SPIDR: variants seen among roughly 807,000 people sequenced by gnomAD.
SPIDR encodes DNA repair-scaffolding protein.
In SPIDR, 93 loss-of-function variants were observed where a neutral mutation model predicts 104.6. The observed-to-expected ratio is 0.89, with a 90% confidence interval of 0.75 to 1.06. The LOEUF is 1.06. SPIDR is among the 50% of genes least tolerant of loss of function. SPIDR has a pLI of 0.00. For missense variants in SPIDR, 1,154 were observed against 1,111.2 expected (o/e 1.04, Z -0.55); for synonymous variants, 431 against 416.9 (o/e 1.03, Z -0.41).
At chr8:47,414,952 G>A (rs1293869283) in intron 7 of SPIDR, among the ~76,000 whole-genome samples, 4 of 152,088 alleles carry the variant, frequency 2.6e-5, no homozygotes, top group Non-Finnish European at 5.9e-5. Flanking sequence ...TGCCCAGGCT[G>A]GAGTGCAGTG....
intron 10 of SPIDR, among the ~76,000 whole-genome samples, chr8:47,646,149 C>T (rs188950885): frequency 3.9e-5 from 6 of 152,236 alleles, no homozygotes; most frequent in Admixed American, 2.0e-4. Context: ...GGTATGAATA[C>T]ACAGTTCATA....
At chr8:47,416,073 G>C (rs2064227034) in intron 7 of SPIDR, among the ~76,000 whole-genome samples, 1 of 152,110 alleles carries the variant, frequency 6.6e-6, no homozygotes, top group African/African-American at 2.4e-5. Context: ...GTGAAACCCT[G>C]CCTCTACTAA....
chr8:47,695,350 A>G (rs1471183454), intron 11 of SPIDR, among the ~76,000 whole-genome samples: 4 of 152,056 alleles, frequency 2.6e-5, no homozygotes, highest in African/African-American at 4.8e-5. Context: ...AATTTTAAGA[A>G]CATTTTATAC....
In SPIDR at chr8:47,435,782, G is replaced by T. The variant is rs561250556; in HGVS notation, c.878-4541G>T. 1.3e-4 allele frequency among the ~76,000 whole-genome samples: 20 copies of T among 152,294 alleles called. 1 individual carries two copies. The highest frequency in any genetic ancestry group is 4.8e-4 in the African/African-American group (20 of 41,576). On this transcript the variant is annotated intron_variant, in intron 7 of 19. Transcript: ENST00000297423. ...TTGTCTGTCTGTGCGTTTTAAACAA[G>T]CCCTATGTCTTAGCATAATGAAGTA...
chr8:47,396,913 T>C (rs1295033521), intron 6 of SPIDR, among the ~76,000 whole-genome samples: 1 of 152,150 alleles, frequency 6.6e-6, no homozygotes, highest in Non-Finnish European at 1.5e-5. Context: ...TAACTTATAA[T>C]GTAAAAAGGG....
chr8:47,691,333 A>G (rs1436663317), intron 11 of SPIDR, among the ~76,000 whole-genome samples: 1 of 151,650 alleles, frequency 6.6e-6, no homozygotes, highest in Non-Finnish European at 1.5e-5. Flanking sequence ...AAAGAAAAAT[A>G]TCTTCCTGAA....
chr8:47,521,512 G>A (rs115877301), intron 8 of SPIDR, among the ~76,000 whole-genome samples: 202 of 150,936 alleles, frequency 1.3e-3, no homozygotes, highest in African/African-American at 4.7e-3. Context: ...CCGCCTCCTG[G>A]GTCCCCATTC....
rs2067408651 is a variant in SPIDR, at chr8:47,431,784, G to C, written c.878-8539G>C. ...GAAAAGGCAAAAAATGTGGAATCAA[G>C]AAGTGAAAGCACAATTGTTTACAGT... On this transcript the variant is annotated intron_variant, in intron 7 of 19. Coordinates refer to ENST00000297423, the MANE Select transcript of SPIDR (RefSeq NM_001080394.4). Among the ~76,000 whole-genome samples, 7 of 152,310 alleles carry C rather than the reference G, an allele frequency of 4.6e-5. No homozygotes were observed. In the South Asian group the frequency reaches 1.5e-3, roughly 32 times the overall value.
chr8:47,584,195 C>T (rs1182661837), intron 8 of SPIDR, among the ~76,000 whole-genome samples: 1 of 152,136 alleles, frequency 6.6e-6, no homozygotes, highest in African/African-American at 2.4e-5. Flanking sequence ...TATGCTGAAT[C>T]ATACTTTAAA....
chr8:47,420,263 G>C (rs1470140882), intron 7 of SPIDR, among the ~76,000 whole-genome samples: 1 of 152,046 alleles, frequency 6.6e-6, no homozygotes, highest in Non-Finnish European at 1.5e-5. Context: ...TCTCTTTTTA[G>C]GTCTCTAAGG....
chr8:47,274,903 A>G (rs902442508), intron 1 of SPIDR, among the ~76,000 whole-genome samples: 2 of 151,344 alleles, frequency 1.3e-5, no homozygotes, highest in Admixed American at 1.3e-4. Context: ...TGTTCTCATT[A>G]CTAATCATAA....
chr8:47,427,551 T>C (rs2066615835), intron 7 of SPIDR, among the ~76,000 whole-genome samples: 1 of 152,196 alleles, frequency 6.6e-6, no homozygotes, highest in Non-Finnish European at 1.5e-5. Flanking sequence ...TGGACAAGAT[T>C]ATCTGCCAAC....
intron 1 of SPIDR, among the ~76,000 whole-genome samples, chr8:47,271,793 A>G (rs1395893707): frequency 6.6e-6 from 1 of 151,422 alleles, no homozygotes; most frequent in Non-Finnish European, 1.5e-5. Context: ...TGTTATAATT[A>G]TTATTATTTT....
intron 8 of SPIDR, among the ~76,000 whole-genome samples, chr8:47,508,007 T>C (rs1476510317): frequency 1.3e-5 from 2 of 152,188 alleles, no homozygotes; most frequent in Non-Finnish European, 2.9e-5. Flanking sequence ...TGAGTAATTA[T>C]GGGTTACTCA....
In SPIDR at chr8:47,616,410, A is replaced by G. The variant is rs746068621; in HGVS notation, c.1544+17214A>G. 5.4e-4 allele frequency among the ~76,000 whole-genome samples: 82 copies of G among 152,302 alleles called. No homozygotes were observed. In the Middle Eastern group the frequency reaches 0.01, roughly 19 times the overall value. ...TTGTCAAGTGCTTTTTCTGCACAGT[A>G]TAATCACACTTTTTAAATTTTATAT... On this transcript the variant is annotated intron_variant, in intron 10 of 19. Coordinates refer to ENST00000297423, the MANE Select transcript of SPIDR (RefSeq NM_001080394.4).
intron 8 of SPIDR, among the ~76,000 whole-genome samples, chr8:47,454,674 A>C (rs1179409756): frequency 2.6e-5 from 4 of 152,266 alleles, no homozygotes; most frequent in Admixed American, 2.0e-4. Context: ...CTGTCAACCA[A>C]GATTGTATAT....
intron 10 of SPIDR, among the ~76,000 whole-genome samples, chr8:47,654,770 C>T (rs1028080424): frequency 2.0e-5 from 3 of 152,160 alleles, no homozygotes; most frequent in Non-Finnish European, 1.5e-5. Flanking sequence ...TACATGTGCA[C>T]AATGTGCAGG....
intron 8 of SPIDR, among the ~76,000 whole-genome samples, chr8:47,572,583 A>C (rs927415522): frequency 6.6e-6 from 1 of 151,788 alleles, no homozygotes; most frequent in African/African-American, 2.4e-5. Flanking sequence ...AATCACTTGA[A>C]CCCAGGAGGT....
chr8:47,333,001 T>C (rs2049037135), intron 5 of SPIDR, among the ~76,000 whole-genome samples: 1 of 150,120 alleles, frequency 6.7e-6, no homozygotes, highest in Non-Finnish European at 1.5e-5. Flanking sequence ...GCTCTTTAGT[T>C]TAATTAGATC....
Sources: allele counts gnomAD v4.1 joint callset (sites outside exome capture counted in the v4.1 genomes callset), GRCh38; gene constraint gnomAD v4.1.1; transcripts MANE v1.5; gene names NCBI Gene and HGNC (gene_info 2026-07-23, HGNC 2026-07-21).